Variants in MAN1C1 observed in about 807,000 individuals in gnomAD.
MAN1C1 encodes the protein mannosidase alpha class 1C member 1.
MAN1C1 carries 49 observed loss-of-function variants against 71.5 expected under a neutral mutation model. That is an observed-to-expected ratio of 0.69 (90% CI 0.54 to 0.87). The LOEUF (loss-of-function observed/expected upper bound fraction) is 0.87, where lower values mean the gene tolerates loss of function less well. MAN1C1 is among the 40% of genes least tolerant of loss of function. The pLI, the probability that MAN1C1 is intolerant of heterozygous loss-of-function variation, is 0.00. For missense variants in MAN1C1, 743 were observed against 835.0 expected (o/e 0.89, Z 1.36); for synonymous variants, 352 against 343.7 (o/e 1.02, Z -0.27).
chr1:25,764,039 G>T lies in MAN1C1; in HGVS notation c.1141+72G>T. 5 of 1,286,318 alleles carry T rather than the reference G, an allele frequency of 3.9e-6. No homozygotes were observed. Among genetic ancestry groups the T allele is most frequent in the South Asian group, 1.2e-5 (1 of 83,600 alleles). The allele number at this position is 1,286,318 out of a possible 1,614,324, so 79.7% of individuals were successfully genotyped here. On this transcript the variant is annotated intron_variant, in intron 7 of 11. Transcript: ENST00000374332. This position sits in a 1 kb window ranked among gnomAD's most constrained non-coding sequence, Gnocchi z 4.4. ...AGGCTTCCTAGGAAGACCCTGCCAG[G>T]CCCCTGGGCTGAGTGAGGATGTGTC...
intron 1 of MAN1C1, among the ~76,000 whole-genome samples, chr1:25,621,873 C>T (rs1572099634): frequency 6.6e-6 from 1 of 152,104 alleles, no homozygotes; most frequent in South Asian, 2.1e-4. Flanking sequence ...AGGTGATCCA[C>T]CTGCCTCAGC....
At chr1:25,694,656 A>G (rs1446936025) in intron 2 of MAN1C1, among the ~76,000 whole-genome samples, 3 of 152,150 alleles carry the variant, frequency 2.0e-5, no homozygotes, top group Non-Finnish European at 4.4e-5. Flanking sequence ...CAAACTGTTC[A>G]TACTCTCCCC....
At chr1:25,637,009 G>T (rs1357009361) in intron 1 of MAN1C1, among the ~76,000 whole-genome samples, 1 of 152,078 alleles carries the variant, frequency 6.6e-6, no homozygotes, top group Non-Finnish European at 1.5e-5. Flanking sequence ...ACAAAAATTT[G>T]CCGGGCATGG....
intron 5 of MAN1C1, among the ~76,000 whole-genome samples, chr1:25,756,295 C>T (rs1040948429): frequency 1.3e-5 from 2 of 152,188 alleles, no homozygotes; most frequent in East Asian, 1.9e-4. Context: ...TGTTGGGACC[C>T]GGAGAAGCCA....
At chr1:25,651,877 C>T (rs568598801) in intron 1 of MAN1C1, among the ~76,000 whole-genome samples, 2 of 152,306 alleles carry the variant, frequency 1.3e-5, no homozygotes, top group Admixed American at 6.5e-5. Context: ...AAGTCCTGTT[C>T]CATGTAGGGT....
intron 1 of MAN1C1, among the ~76,000 whole-genome samples, chr1:25,636,230 A>G (rs974250322): frequency 6.6e-6 from 1 of 152,202 alleles, no homozygotes; most frequent in Non-Finnish European, 1.5e-5. Flanking sequence ...AACAGAAAAC[A>G]GGGTTCAAAA....
Position 25,780,927 on chromosome 1 carries a change from G to A in MAN1C1, c.1478-13G>A, listed in dbSNP as rs761129399. The A allele has an allele frequency of 1.3e-5, 21 of 1,612,620 alleles. No individual in the cohort carries two copies. The East Asian group carries it at 4.2e-4, about 33-fold the overall frequency. On this transcript the variant is annotated splice_polypyrimidine_tract_variant and intron_variant, in intron 9 of 11. Transcript: ENST00000374332. ...AGGTCTGACCTGGGCCCTCTGCTTG[G>A]CTGTTTCCCCAGACACCAAACTTGG... is the stretch of plus-strand genomic sequence containing the variant.
intron 2 of MAN1C1, among the ~76,000 whole-genome samples, chr1:25,726,036 T>A (rs964423999): frequency 6.6e-5 from 10 of 152,260 alleles, no homozygotes; most frequent in Admixed American, 3.3e-4. Context: ...GACCAGCTCC[T>A]TGGCCTTGGC....
chr1:25,742,598 TACTC>T (rs2047077516), intron 2 of MAN1C1, among the ~76,000 whole-genome samples: 1 of 152,242 alleles, frequency 6.6e-6, no homozygotes, highest in South Asian at 2.1e-4. Context: ...GGGCCACATG[TACTC>T]ACTATCATGC....
rs2045277015 is a variant in MAN1C1, at chr1:25,625,267, A to G, written c.540+6930A>G. Reference sequence around the variant, plus strand: ...TGATCCATCCGCCTCAGCCTCCCAAAGTGCTGGGATTACAGGTGTGAGCCG... The same window carrying G: ...TGATCCATCCGCCTCAGCCTCCCAAGGTGCTGGGATTACAGGTGTGAGCCG... On this transcript the variant is annotated intron_variant, in intron 1 of 11. Coordinates refer to ENST00000374332, the MANE Select transcript of MAN1C1 (RefSeq NM_020379.4). Among the ~76,000 whole-genome samples, 2 of 152,110 alleles carry G rather than the reference A, an allele frequency of 1.3e-5. 1 individual carries two copies. Among genetic ancestry groups the G allele is most frequent in the South Asian group, 4.1e-4 (2 of 4,820 alleles).
chr1:25,751,554 C>T lies in MAN1C1; in HGVS notation c.835-1930C>T, dbSNP rs1165450672. On this transcript the variant is annotated intron_variant, in intron 4 of 11. Coordinates refer to ENST00000374332, the MANE Select transcript of MAN1C1 (RefSeq NM_020379.4). The stretch of plus-strand genomic sequence containing the variant: ...CTCAAAAGACTCAAGGAGGGGCCAA[C>T]GTGGCCAGAACCCCTGGGCAGGCAG... Among the ~76,000 whole-genome samples, 5 of 152,256 alleles carry T rather than the reference C, an allele frequency of 3.3e-5. No homozygotes were observed. In the South Asian group the frequency reaches 6.2e-4, roughly 19 times the overall value.
intron 8 of MAN1C1, among the ~76,000 whole-genome samples, chr1:25,774,100 C>G (rs2047588964): frequency 6.6e-6 from 1 of 152,206 alleles, no homozygotes; most frequent in Non-Finnish European, 1.5e-5. Flanking sequence ...AATCCCATGT[C>G]TAGCCTCACC....
At chr1:25,757,016 C>A (rs2047294827) in intron 5 of MAN1C1, among the ~76,000 whole-genome samples, 1 of 152,062 alleles carries the variant, frequency 6.6e-6, no homozygotes, top group African/African-American at 2.4e-5. Context: ...GTCACTTGAC[C>A]CCAAAGATCT....
chr1:25,768,532 T>C (rs1156766398), intron 7 of MAN1C1, among the ~76,000 whole-genome samples: 2 of 53,214 alleles, frequency 3.8e-5, no homozygotes, highest in Non-Finnish European at 7.2e-5. Context: ...ACATCCACAC[T>C]CCCCTCACAC....
chr1:25,763,722 G>T, intron 6 of MAN1C1, 152 bp from the exon 7 acceptor site: 1 of 654,122 alleles, frequency 1.5e-6, no homozygotes, highest in South Asian at 1.8e-5. Context: ...CCCCGGGTTG[G>T]AGCCTGCAGT....
chr1:25,707,807 G>A (rs1194864752), intron 2 of MAN1C1, among the ~76,000 whole-genome samples: 3 of 152,210 alleles, frequency 2.0e-5, no homozygotes, highest in Non-Finnish European at 4.4e-5. Flanking sequence ...AGATGCAGGC[G>A]TGGGAAACAA....
intron 2 of MAN1C1, among the ~76,000 whole-genome samples, chr1:25,705,519 G>T (rs918237953): frequency 6.6e-6 from 1 of 152,204 alleles, no homozygotes; most frequent in Admixed American, 6.5e-5. Context: ...TCTAAGCACT[G>T]GTGAGATGAG....
rs991125327 is a variant in MAN1C1, at chr1:25,769,902, C to T, written c.1142-1755C>T. On this transcript the variant is annotated intron_variant, in intron 7 of 11. Coordinates refer to ENST00000374332, the MANE Select transcript of MAN1C1 (RefSeq NM_020379.4). This position sits in a 1 kb window ranked among gnomAD's most constrained non-coding sequence, Gnocchi z 4.8. ...GCCTGGCCTTGTTTCACTTAATCCC[C>T]GTGGCCACCCTATGGGGAGGGACCG... Among the ~76,000 whole-genome samples, 7 of 152,220 alleles carry T rather than the reference C, an allele frequency of 4.6e-5. 1 individual carries two copies. In the South Asian group the frequency reaches 6.2e-4, roughly 14 times the overall value.
chr1:25,648,211 A>G (rs1440886436), intron 1 of MAN1C1, among the ~76,000 whole-genome samples: 2 of 152,254 alleles, frequency 1.3e-5, no homozygotes, highest in Non-Finnish European at 2.9e-5. Context: ...GCATCTGCTC[A>G]TCAGGGAGCA....
Sources: allele counts gnomAD v4.1 joint callset (sites outside exome capture counted in the v4.1 genomes callset), GRCh38; gene constraint gnomAD v4.1.1; non-coding constraint Gnocchi (gnomAD v3.1); transcripts MANE v1.5; gene names NCBI Gene and HGNC (gene_info 2026-07-23, HGNC 2026-07-21).